MTUS2: variants seen among roughly 807,000 people sequenced by gnomAD.
The protein encoded by MTUS2 is microtubule-associated tumor suppressor candidate 2.
A neutral mutation model predicts 114.1 loss-of-function variants in MTUS2; 40 were observed. The ratio of observed to expected loss-of-function variants is 0.35; its 90% CI spans 0.27 to 0.46. MTUS2 has a LOEUF of 0.46. Among genes scored for constraint, MTUS2 ranks in the 20% least tolerant of loss-of-function variants. MTUS2 has a pLI of 1.00. For missense variants in MTUS2, 1,679 were observed against 1,705.4 expected (o/e 0.98, Z 0.27); for synonymous variants, 688 against 672.0 (o/e 1.02, Z -0.37).
chr13:29,339,831 G>GA (rs1901295481), intron 7 of MTUS2: 1 of 154,350 alleles, frequency 6.5e-6, no homozygotes, highest in South Asian at 2.0e-4. Context: ...TGGGAGCGGA[G>GA]AAGGGGCCTG....
chr13:29,337,955 A>T (rs1407994469), intron 7 of MTUS2, among the ~76,000 whole-genome samples: 1 of 143,416 alleles, frequency 7.0e-6, no homozygotes. Context: ...TGCCCTGCTA[A>T]TTTTTTTTTT....
At chr13:29,477,558 G>C (rs1880796455) in intron 9 of MTUS2, among the ~76,000 whole-genome samples, 1 of 152,084 alleles carries the variant, frequency 6.6e-6, no homozygotes, top group South Asian at 2.1e-4. Context: ...AGCCTCCAGT[G>C]ATCAGAGGAA....
At chr13:29,355,689 A>G (rs1593341829) in intron 7 of MTUS2, among the ~76,000 whole-genome samples, 1 of 152,152 alleles carries the variant, frequency 6.6e-6, no homozygotes, top group Admixed American at 6.5e-5. Flanking sequence ...GTCGCCAAAA[A>G]CCACATGACA....
chr13:29,016,769 CATAAG>C (rs1350705474), intron 2 of MTUS2, among the ~76,000 whole-genome samples: 1 of 152,118 alleles, frequency 6.6e-6, no homozygotes, highest in Non-Finnish European at 1.5e-5. Flanking sequence ...ATGTTATGTA[CATAAG>C]ATAAAGAGAA....
intron 5 of MTUS2, among the ~76,000 whole-genome samples, chr13:29,156,999 A>C (rs1459537979): frequency 6.6e-6 from 1 of 152,184 alleles, no homozygotes; most frequent in East Asian, 1.9e-4. Context: ...AAGATACCAA[A>C]ACTCTCTGTA....
intron 1 of MTUS2, among the ~76,000 whole-genome samples, chr13:28,838,605 T>C (rs1875253400): frequency 6.6e-6 from 1 of 152,200 alleles, no homozygotes; most frequent in Non-Finnish European, 1.5e-5. Context: ...CCCCTGCATC[T>C]TGTCCCTCGC....
intron 2 of MTUS2, among the ~76,000 whole-genome samples, chr13:28,877,921 C>T (rs995235625): frequency 6.6e-6 from 1 of 152,090 alleles, no homozygotes. Context: ...GAGGTGCTGG[C>T]TTGTTTGTTT....
rs904460441 is a variant in MTUS2, at chr13:29,103,851, A to G, written c.2644+2881A>G. On this transcript the variant is annotated intron_variant, in intron 5 of 15. Transcript: ENST00000612955. ...ATATTTTTAGATGTTTGTGCATATT[A>G]ACAGTCTAAACAATGTCCACACTGA... 9.2e-5 allele frequency among the ~76,000 whole-genome samples: 14 copies of G among 152,346 alleles called. No homozygotes were observed. In the East Asian group the frequency reaches 2.3e-3, roughly 25 times the overall value.
intron 5 of MTUS2, among the ~76,000 whole-genome samples, chr13:29,155,333 A>G (rs1892815940): frequency 6.6e-6 from 1 of 152,224 alleles, no homozygotes. Flanking sequence ...GGCTGATAGC[A>G]TTTGGTCTTT....
At chr13:29,085,003 A>T (rs552748110) in intron 4 of MTUS2, among the ~76,000 whole-genome samples, 11 of 152,292 alleles carry the variant, frequency 7.2e-5, no homozygotes, top group African/African-American at 2.6e-4. Context: ...TGTATGGCTT[A>T]GTGCCATCCC....
At chr13:28,904,967 C>G (rs1336332850) in intron 2 of MTUS2, among the ~76,000 whole-genome samples, 1 of 151,474 alleles carries the variant, frequency 6.6e-6, no homozygotes, top group African/African-American at 2.4e-5. Context: ...AGAGGTCCTT[C>G]ACGTCCCTTG....
chr13:29,407,232 C>T (rs546814868), intron 8 of MTUS2, among the ~76,000 whole-genome samples: 13 of 152,064 alleles, frequency 8.5e-5, no homozygotes, highest in South Asian at 2.1e-4. Context: ...GGCAACAGAG[C>T]GAGACTGCAT....
chr13:29,457,077 G>A (rs1360086369), intron 9 of MTUS2, among the ~76,000 whole-genome samples: 10 of 151,612 alleles, frequency 6.6e-5, no homozygotes, highest in South Asian at 2.1e-4. Context: ...CCCAGGGGGC[G>A]GAGCTTGCAG....
At chr13:28,906,634 T>G (rs1432587119) in intron 2 of MTUS2, among the ~76,000 whole-genome samples, 1 of 151,632 alleles carries the variant, frequency 6.6e-6, no homozygotes, top group Non-Finnish European at 1.5e-5. Flanking sequence ...TTGTTATAAT[T>G]TCTGTTGTTT....
At chr13:29,278,334 G>A (rs1566106181) in intron 5 of MTUS2, among the ~76,000 whole-genome samples, 1 of 152,136 alleles carries the variant, frequency 6.6e-6, no homozygotes. Flanking sequence ...TAAGTGTGAA[G>A]ACAAGCCAAA....
chr13:29,427,163 A>T (rs945410992), intron 8 of MTUS2, among the ~76,000 whole-genome samples: 1 of 152,218 alleles, frequency 6.6e-6, no homozygotes, highest in Non-Finnish European at 1.5e-5. Context: ...AAAATAAAAC[A>T]TGCTCACGAG....
At chr13:29,170,007 T>A (rs1428683294) in intron 5 of MTUS2, among the ~76,000 whole-genome samples, 1 of 107,186 alleles carries the variant, frequency 9.3e-6, no homozygotes. Flanking sequence ...TGTTGATATA[T>A]TAGCAAAGGT....
intron 10 of MTUS2, among the ~76,000 whole-genome samples, chr13:29,487,055 C>T (rs967551056): frequency 6.6e-6 from 1 of 152,186 alleles, no homozygotes; most frequent in African/African-American, 2.4e-5. Flanking sequence ...ACTGGCTGCA[C>T]TACTTGCGAT....
intron 9 of MTUS2, among the ~76,000 whole-genome samples, chr13:29,442,662 TCGGAA>T (rs1337503622): frequency 1.1e-5 from 1 of 90,832 alleles, no homozygotes; most frequent in East Asian, 3.6e-4. Flanking sequence ...TGTGTTTCCC[TCGGAA>T]GTATTGATAG....
Sources: allele counts gnomAD v4.1 joint callset (sites outside exome capture counted in the v4.1 genomes callset), GRCh38; gene constraint gnomAD v4.1.1; transcripts MANE v1.5; gene names NCBI Gene and HGNC (gene_info 2026-07-23, HGNC 2026-07-21).